CDH13: variants seen among roughly 807,000 people sequenced by gnomAD.
The protein encoded by CDH13 is cadherin 13.
A neutral mutation model predicts 63.8 loss-of-function variants in CDH13; 24 were observed. The observed-to-expected ratio is 0.38, with a 90% CI of 0.27 to 0.53. The LOEUF is 0.53. Among genes scored for constraint, CDH13 ranks in the 20% least tolerant of loss-of-function variants. CDH13 has a pLI of 0.85. For synonymous variants in CDH13, 503 were observed against 355.3 expected (o/e 1.42, Z -4.67); for missense variants, 1,049 against 903.1 (o/e 1.16, Z -2.07).
chr16:83,675,149 A>G (rs537931596), intron 9 of CDH13, among the ~76,000 whole-genome samples: 1 of 152,182 alleles, frequency 6.6e-6, no homozygotes, highest in African/African-American at 2.4e-5. Flanking sequence ...TCCCTGACAC[A>G]GAGGCCCAGC....
intron 3 of CDH13, among the ~76,000 whole-genome samples, chr16:83,104,546 T>G (rs2034668455): frequency 6.6e-6 from 1 of 151,928 alleles, no homozygotes; most frequent in African/African-American, 2.4e-5. Context: ...TTAAAATGTC[T>G]TTAGCAAAAA....
At chr16:82,974,801 A>C (rs756167557) in intron 2 of CDH13, among the ~76,000 whole-genome samples, 2 of 152,224 alleles carry the variant, frequency 1.3e-5, no homozygotes, top group Non-Finnish European at 2.9e-5. Flanking sequence ...AAAAGGAAGC[A>C]GATTTGTCCC....
chr16:83,059,793 G>GTTTTTTTTTTTTTTTTTTTTTT (rs66521965), intron 3 of CDH13, among the ~76,000 whole-genome samples: 4 of 113,104 alleles, frequency 3.5e-5, no homozygotes, highest in East Asian at 2.9e-4. Context: ...TTTTTTGTTT[G>GTTTTTTTTTTTTTTTTTTTTTT]TTTTTTTTTT....
intron 1 of CDH13, among the ~76,000 whole-genome samples, chr16:82,688,309 T>C (rs1432212445): frequency 1.3e-5 from 2 of 152,150 alleles, no homozygotes; most frequent in Non-Finnish European, 2.9e-5. Context: ...AGCCCCTAAA[T>C]ACACAAAAGC....
At chr16:82,887,576 T>C (rs12922875) in intron 2 of CDH13, among the ~76,000 whole-genome samples, 15,055 of 152,198 alleles carry the variant, frequency 0.099, 2,413 homozygotes, top group East Asian at 0.7. Context: ...ATCCCAGCGC[T>C]TTGGGAGGCC....
chr16:83,014,818 A>ATATATATATTTG (rs1252017916), intron 2 of CDH13, among the ~76,000 whole-genome samples: 141 of 74,228 alleles, frequency 1.9e-3, no homozygotes, highest in African/African-American at 6.8e-3. Context: ...ATATATTTGT[A>ATATATATATTTG]TATATATATT....
At chr16:83,364,239 CAGATTTTCTG>C (rs1006115773) in intron 6 of CDH13, among the ~76,000 whole-genome samples, 8 of 152,082 alleles carry the variant, frequency 5.3e-5, no homozygotes, top group Non-Finnish European at 1.0e-4. Flanking sequence ...AAATGGCAGA[CAGATTTTCTG>C]CCTGTGGATC....
chr16:83,415,088 C>T (rs2092180749), intron 6 of CDH13, among the ~76,000 whole-genome samples: 1 of 151,360 alleles, frequency 6.6e-6, no homozygotes. Context: ...GGAACATTAC[C>T]ACTTATACCA....
chr16:83,156,453 G>A (rs937991944), intron 4 of CDH13, among the ~76,000 whole-genome samples: 1 of 152,104 alleles, frequency 6.6e-6, no homozygotes, highest in African/African-American at 2.4e-5. Context: ...CTACAAAGGC[G>A]ACATGTACTC....
At chr16:82,948,135 A>G (rs1904932409) in intron 2 of CDH13, among the ~76,000 whole-genome samples, 1 of 152,188 alleles carries the variant, frequency 6.6e-6, no homozygotes, top group African/African-American at 2.4e-5. Context: ...TCTTCTATCA[A>G]AACAAAGAAA....
At position 83,176,512 on chromosome 16, in the gene CDH13, G is replaced by GAAAAAA. The variant is rs869250059; in HGVS notation, c.484-40816_484-40811dup. Among the ~76,000 whole-genome samples, 321 of 71,734 alleles carry GAAAAAA rather than the reference G, an allele frequency of 4.5e-3. 7 individuals carry two copies. The highest frequency in any genetic ancestry group is 0.011 in the African/African-American group (247 of 21,706). 47.1% of individuals were successfully genotyped at this position (71,734 alleles called of 152,430 possible). A position where few individuals can be genotyped will look rare whatever the true frequency, so the allele number is the denominator to read the frequency against. ...GTGACAGAGCAAGAATCCAGCTAGAGAAAAAAAAAAAAAAAAAAAAAAGTC... is the reference window on the plus strand; with the variant it reads ...GTGACAGAGCAAGAATCCAGCTAGAGAAAAAAAAAAAAAAAAAAAAAAAAAAAAGTC... On this transcript the variant is annotated intron_variant, in intron 4 of 13. Coordinates refer to ENST00000567109, the MANE Select transcript of CDH13 (RefSeq NM_001257.5).
rs1393776148 is a variant in CDH13 at position 83,093,385 on chromosome 16, C to G, written c.367-32000C>G. On this transcript the variant is annotated intron_variant, in intron 3 of 13. Coordinates refer to ENST00000567109, the MANE Select transcript of CDH13 (RefSeq NM_001257.5). The stretch of plus-strand genomic sequence containing the variant: ...GCTGGAGTGCCGTGAGTGGCACAGT[C>G]TAGGCTGACTGCAACCTCCACCTCC... 5.5e-5 allele frequency among the ~76,000 whole-genome samples: 7 copies of G among 127,916 alleles called. No homozygotes were observed. The Admixed American group carries it at 7.0e-4, about 13-fold the overall frequency. 83.9% of individuals were successfully genotyped at this position (127,916 alleles called of 152,430 possible). A position where few individuals can be genotyped will look rare whatever the true frequency, so the allele number is the denominator to read the frequency against.
intron 11 of CDH13, among the ~76,000 whole-genome samples, chr16:83,763,669 C>A (rs970663826): frequency 3.9e-5 from 6 of 152,092 alleles, no homozygotes; most frequent in African/African-American, 1.4e-4. Flanking sequence ...CCAATCAAGC[C>A]AGTTTAACAC....
chr16:83,468,923 G>A (rs1442546145), intron 6 of CDH13, among the ~76,000 whole-genome samples: 4 of 152,308 alleles, frequency 2.6e-5, no homozygotes, highest in African/African-American at 7.2e-5. Context: ...CCCTTTGGAT[G>A]CCAGCTGATT....
chr16:82,921,326 C>G (rs968561539), intron 2 of CDH13, among the ~76,000 whole-genome samples: 4 of 152,190 alleles, frequency 2.6e-5, no homozygotes, highest in Non-Finnish European at 5.9e-5. Flanking sequence ...CTGGTGGCAG[C>G]TGGCATTCCT....
At chr16:83,045,748 A>G (rs1014242553) in intron 3 of CDH13, among the ~76,000 whole-genome samples, 1 of 151,766 alleles carries the variant, frequency 6.6e-6, no homozygotes, top group African/African-American at 2.4e-5. Context: ...TCTCTATTTG[A>G]TTCTCTGTTC....
chr16:83,705,594 C>T (rs187221924), intron 10 of CDH13, among the ~76,000 whole-genome samples: 13 of 152,198 alleles, frequency 8.5e-5, no homozygotes, highest in African/African-American at 2.9e-4. Flanking sequence ...TGCACTCCAG[C>T]GTGGGGGCCA....
At chr16:83,434,031 A>C (rs1366734973) in intron 6 of CDH13, among the ~76,000 whole-genome samples, 1 of 152,094 alleles carries the variant, frequency 6.6e-6, no homozygotes, top group East Asian at 1.9e-4. Flanking sequence ...ACTTTATTTT[A>C]TAAGGTGAGA....
At chr16:83,768,112 G>A (rs707237) in intron 11 of CDH13, among the ~76,000 whole-genome samples, 90,627 of 151,802 alleles carry the variant, frequency 0.6, 27,732 homozygotes, top group Admixed American at 0.7. Context: ...AATTACCTAG[G>A]GAAATAATCA....
Sources: gnomAD v4.1 joint callset for allele counts (sites outside exome capture counted in the v4.1 genomes callset) on GRCh38, gnomAD v4.1.1 for gene constraint, MANE v1.5 for transcripts, NCBI Gene and HGNC (gene_info 2026-07-23, HGNC 2026-07-21) for gene names.